Variants in WDR70 observed in about 807,000 individuals in gnomAD.
The protein encoded by WDR70 is WD repeat-containing protein 70.
In WDR70, 53 loss-of-function variants were observed where a neutral mutation model predicts 88.6. The ratio of observed to expected loss-of-function variants is 0.60; its 90% CI spans 0.48 to 0.75. The LOEUF (loss-of-function observed/expected upper bound fraction) is 0.75. Among genes scored for constraint, WDR70 ranks in the 30% least tolerant of loss-of-function variants. WDR70 has a pLI of 0.00. For synonymous variants in WDR70, 280 were observed against 270.0 expected, an observed-to-expected ratio of 1.04 and a Z score of -0.36; for missense variants, 610 against 823.2, an observed-to-expected ratio of 0.74 and a Z score of 3.17.
chr5:37,451,909 G>A (rs1458134101), intron 7 of WDR70, among the ~76,000 whole-genome samples: 4 of 152,100 alleles, frequency 2.6e-5, no homozygotes, highest in Admixed American at 1.3e-4. Context: ...GAGGAGAATC[G>A]CTTGAACCTG....
At chr5:37,383,256 C>A (rs1416635565) in intron 3 of WDR70, among the ~76,000 whole-genome samples, 1 of 151,934 alleles carries the variant, frequency 6.6e-6, no homozygotes, top group East Asian at 1.9e-4. Flanking sequence ...TTGAAAAAAA[C>A]CTTTCATTAT....
intron 17 of WDR70, among the ~76,000 whole-genome samples, chr5:37,749,830 G>GAAA (rs61354861): frequency 0.77 from 108,923 of 142,298 alleles, 47,090 homozygotes; most frequent in East Asian, 0.98. Flanking sequence ...AATACTAGGT[G>GAAA]AAAAAAAAAA....
intron 10 of WDR70, among the ~76,000 whole-genome samples, chr5:37,648,661 A>G (rs1413160068): frequency 6.6e-6 from 1 of 152,030 alleles, no homozygotes; most frequent in Admixed American, 6.5e-5. Flanking sequence ...TTGGCTTTAG[A>G]TAAAACAACA....
intron 5 of WDR70, among the ~76,000 whole-genome samples, chr5:37,423,896 C>T (rs1581267339): frequency 6.8e-6 from 1 of 146,986 alleles, no homozygotes; most frequent in African/African-American, 2.5e-5. Context: ...TGCCTATAAT[C>T]CCAGCACTTT....
At chr5:37,580,660 C>T (rs925140206) in intron 9 of WDR70, among the ~76,000 whole-genome samples, 4 of 152,142 alleles carry the variant, frequency 2.6e-5, no homozygotes, top group Non-Finnish European at 5.9e-5. Flanking sequence ...TCTCTTGACT[C>T]GGATTTCCTT....
chr5:37,461,726 G>A (rs1247162756), intron 7 of WDR70, among the ~76,000 whole-genome samples: 1 of 140,286 alleles, frequency 7.1e-6, no homozygotes, highest in African/African-American at 2.5e-5. Context: ...CTCATGATCT[G>A]CCTGCCTCGG....
chr5:37,513,981 A>G (rs1581353100), intron 8 of WDR70, among the ~76,000 whole-genome samples: 1 of 152,216 alleles, frequency 6.6e-6, no homozygotes, highest in East Asian at 1.9e-4. Flanking sequence ...TAAAGCCAGT[A>G]AAAGGTTAAG....
At position 37,726,908 on chromosome 5, in the gene WDR70, C is replaced by T. The variant is rs375996876; in HGVS notation, c.1740C>T (p.His580=). 84 of 1,594,676 alleles carry T rather than the reference C, an allele frequency of 5.3e-5. No individual in the cohort carries two copies. The highest frequency in any genetic ancestry group is 6.8e-5 in the Non-Finnish European group (80 of 1,173,484). ...GTCGTGGTGGCCGAGTTGGAACCCA[C>T]GGGGGCACTCTCTCTTCCTATATTG... ...GPGRGGRVGT[H]GGTLSSYIVK... is the part of the protein sequence containing the mutation. The change falls in exon 17 of 18, where the codon CAC becomes CAT. Residue 580 remains histidine, a synonymous_variant. Transcript: ENST00000265107.
In WDR70 at chr5:37,722,839, C is replaced by G. The variant is rs368366514; in HGVS notation, c.1518-16C>G. ...AAGACCAAGTAAAGAAAATAATTTGCTTTTACACCCGTTAGGGGAGCAAAA... is the reference window on the plus strand; with the variant it reads ...AAGACCAAGTAAAGAAAATAATTTGGTTTTACACCCGTTAGGGGAGCAAAA... On this transcript the variant is annotated splice_polypyrimidine_tract_variant and intron_variant, in intron 14 of 17. Coordinates refer to ENST00000265107, the MANE Select transcript of WDR70 (RefSeq NM_018034.4). 1.9e-6 allele frequency: 3 copies of G among 1,612,602 alleles called. No individual in the cohort carries two copies. Among genetic ancestry groups the G allele is most frequent in the South Asian group, 1.1e-5 (1 of 91,034 alleles).
At chr5:37,468,376 A>G (rs1271273778) in intron 7 of WDR70, among the ~76,000 whole-genome samples, 1 of 152,214 alleles carries the variant, frequency 6.6e-6, no homozygotes. Flanking sequence ...AATTACAAAT[A>G]TATTTTTTAT....
chr5:37,560,608 T>C (rs1031333158), intron 9 of WDR70, among the ~76,000 whole-genome samples: 3 of 152,210 alleles, frequency 2.0e-5, no homozygotes, highest in Non-Finnish European at 2.9e-5. Context: ...CTTCAAGTTA[T>C]GCAACTGCAT....
intron 10 of WDR70, among the ~76,000 whole-genome samples, chr5:37,615,851 C>G (rs954588333): frequency 6.6e-6 from 1 of 152,284 alleles, no homozygotes; most frequent in East Asian, 1.9e-4. Context: ...TTTAGTGTTT[C>G]TCACACTCAC....
intron 5 of WDR70, among the ~76,000 whole-genome samples, chr5:37,426,875 C>T (rs1750140863): frequency 6.6e-6 from 1 of 151,008 alleles, no homozygotes; most frequent in South Asian, 2.1e-4. Context: ...ACCTTCCAGG[C>T]TCAAATGATC....
rs745564980 is a variant in WDR70 at position 37,697,607 on chromosome 5, T to G, written c.1093-48T>G. On this transcript the variant is annotated intron_variant, in intron 10 of 17. Transcript: ENST00000265107. ...ATGTTCTTGCCACAAAACTGTTCTCTTCTGAATTGAGGTGAGATATTAACA... is the reference window on the plus strand; with the variant it reads ...ATGTTCTTGCCACAAAACTGTTCTCGTCTGAATTGAGGTGAGATATTAACA... The G allele has an allele frequency of 7.2e-5, 108 of 1,495,680 alleles. No homozygotes were observed. The African/African-American group carries it at 1.3e-3, about 18-fold the overall frequency. 92.7% of individuals were successfully genotyped at this position (1,495,680 alleles called of 1,614,324 possible). A position where few individuals can be genotyped will look rare whatever the true frequency, so the allele number is the denominator to read the frequency against.
Position 37,487,591 on chromosome 5 carries a change from G to GTGTA in WDR70, c.840+7605_840+7606insGTAT, listed in dbSNP as rs1464435902. Among the ~76,000 whole-genome samples the GTGTA allele has an allele frequency of 1.9e-5, 2 of 103,138 alleles. 1 individual carries two copies. Among genetic ancestry groups the GTGTA allele is most frequent in the African/African-American group, 6.7e-5 (2 of 29,922 alleles). 67.7% of individuals were successfully genotyped at this position (103,138 alleles called of 152,430 possible). On this transcript the variant is annotated intron_variant, in intron 8 of 17. Transcript: ENST00000265107. ...TTTATATCATTTTATATATGGGTAT[G>GTGTA]TATATATAAATATATATATATATAT...
At chr5:37,739,618 T>C (rs991890585) in intron 17 of WDR70, among the ~76,000 whole-genome samples, 8 of 152,198 alleles carry the variant, frequency 5.3e-5, no homozygotes, top group African/African-American at 1.4e-4. Flanking sequence ...CTACTCTTCC[T>C]TGTGGAAGCA....
At chr5:37,418,583 T>C (rs1055068611) in intron 5 of WDR70, among the ~76,000 whole-genome samples, 2 of 152,132 alleles carry the variant, frequency 1.3e-5, no homozygotes, top group African/African-American at 2.4e-5. Flanking sequence ...CTTATAATCA[T>C]GAAAAAAAGT....
chr5:37,381,654 G>A lies in WDR70; in HGVS notation c.144G>A (p.Arg48=). The A allele has an allele frequency of 6.2e-7, 1 of 1,611,908 alleles. No homozygotes were observed. Among genetic ancestry groups the A allele is most frequent in the East Asian group, 2.2e-5 (1 of 44,798 alleles). ...AAGCAATGTTTGAACAAACTCGAAG[G>A]ACAGCTGTGGAAAGAAGTCGCAAAA... is the stretch of plus-strand genomic sequence containing the variant. ...DLEAMFEQTR[R]TAVERSRKTL... Residue 48 remains arginine (R), a synonymous_variant, in exon 3 of 18, where the codon AGG becomes AGA. Transcript: ENST00000265107.
At chr5:37,605,503 A>C (rs776958627) in intron 10 of WDR70, among the ~76,000 whole-genome samples, 1 of 147,652 alleles carries the variant, frequency 6.8e-6, no homozygotes, top group Admixed American at 6.6e-5. Context: ...TTTAAAAACC[A>C]TAGTGCAGCT....
Sources: allele counts gnomAD v4.1 joint callset (sites outside exome capture counted in the v4.1 genomes callset), GRCh38; gene constraint gnomAD v4.1.1; transcripts MANE v1.5; gene names NCBI Gene and HGNC (gene_info 2026-07-23, HGNC 2026-07-21).